The following STARD13 variants were observed in gnomAD, a reference collection of about 807,000 sequenced individuals.
STARD13 encodes the protein StAR related lipid transfer domain containing 13.
Under a neutral mutation model 106.4 loss-of-function variants are expected in STARD13, and 62 were observed. That is an observed-to-expected ratio of 0.58 (90% CI 0.48 to 0.72). The LOEUF is 0.72. Among genes scored for constraint, STARD13 ranks in the 30% least tolerant of loss-of-function variants. STARD13 has a pLI of 0.00. For synonymous variants in STARD13, 565 were observed against 553.0 expected (o/e 1.02, Z -0.31); for missense variants, 1,387 against 1,424.0 (o/e 0.97, Z 0.42).
chr13:33,259,156 G>A (rs538923583), intron 1 of STARD13, among the ~76,000 whole-genome samples: 1 of 152,310 alleles, frequency 6.6e-6, no homozygotes, highest in Admixed American at 6.5e-5. Flanking sequence ...CTCCTGGAGG[G>A]TGGGGCCCAC....
In STARD13 at chr13:33,218,555, C is replaced by A. The variant is rs531633978; in HGVS notation, c.170-50933G>T. On this transcript the variant is annotated intron_variant, in intron 1 of 13. Coordinates refer to ENST00000336934, the MANE Select transcript of STARD13 (RefSeq NM_178006.4). ...AATAGGGGTCTGGTACGACAATATT[C>A]AAATCTAGTTCTCACTCCAAAGCAT... is the stretch of plus-strand genomic sequence containing the variant. Among the ~76,000 whole-genome samples, 78 of 152,296 alleles carry A rather than the reference C, an allele frequency of 5.1e-4. 2 individuals carry two copies. The South Asian group carries it at 0.016, about 32-fold the overall frequency.
the STARD13 span, among the ~76,000 whole-genome samples, chr13:33,655,482 C>T: frequency 6.6e-6 from 1 of 152,248 alleles, no homozygotes; most frequent in African/African-American, 2.4e-5. Flanking sequence ...TTAATGCATA[C>T]TTAGTTTTAG....
At chr13:33,393,527 AG>A in the STARD13 span, among the ~76,000 whole-genome samples, 1 of 152,160 alleles carries the variant, frequency 6.6e-6, no homozygotes, top group Non-Finnish European at 1.5e-5. Context: ...CCTGCCTTTG[AG>A]GGCTGCTCAG....
intron 1 of STARD13, among the ~76,000 whole-genome samples, chr13:33,196,367 G>T (rs1207843584): frequency 2.0e-5 from 3 of 152,178 alleles, no homozygotes; most frequent in Non-Finnish European, 2.9e-5. Flanking sequence ...ACAATGAAGC[G>T]AGACTCTGTC....
the STARD13 span, among the ~76,000 whole-genome samples, chr13:33,376,589 C>A: frequency 6.6e-6 from 1 of 151,814 alleles, no homozygotes; most frequent in African/African-American, 2.4e-5. Flanking sequence ...CCACCACACT[C>A]TATCCTGACC....
At chr13:33,248,291 C>T (rs1889931222) in intron 1 of STARD13, among the ~76,000 whole-genome samples, 1 of 152,118 alleles carries the variant, frequency 6.6e-6, no homozygotes, top group East Asian at 1.9e-4. Context: ...GAGCTATAAT[C>T]CTGCCACTGC....
chr13:33,163,605 A>AAAAT (rs1555239808), intron 3 of STARD13, among the ~76,000 whole-genome samples: 1 of 97,630 alleles, frequency 1.0e-5, no homozygotes, highest in African/African-American at 4.3e-5. Flanking sequence ...AAAAAAAAAA[A>AAAAT]ATATATATAT....
intron 1 of STARD13, among the ~76,000 whole-genome samples, chr13:33,179,979 C>T (rs1017184408): frequency 2.6e-5 from 4 of 152,334 alleles, no homozygotes; most frequent in Middle Eastern, 3.4e-3. Flanking sequence ...TCTGTGCCTG[C>T]AGGAGGTCCT....
chr13:33,267,495 C>T (rs939541208), intron 1 of STARD13, among the ~76,000 whole-genome samples: 7 of 152,188 alleles, frequency 4.6e-5, no homozygotes, highest in African/African-American at 1.7e-4. Context: ...TCCTCAGAGC[C>T]TGTTTAAGGT....
At chr13:33,369,501 A>T in the STARD13 span, among the ~76,000 whole-genome samples, 1 of 152,210 alleles carries the variant, frequency 6.6e-6, no homozygotes, top group African/African-American at 2.4e-5. Context: ...ACGTTTTCTA[A>T]TGGATCCTTA....
chr13:33,119,567 G>C (rs1450804221), intron 7 of STARD13, among the ~76,000 whole-genome samples: 2 of 152,184 alleles, frequency 1.3e-5, no homozygotes, highest in Admixed American at 1.3e-4. Flanking sequence ...GTAACAGCAG[G>C]GGAAGGATTC....
chr13:33,110,944 G>A, intron 10 of STARD13, 37 bp from the exon 11 acceptor site: 1 of 1,571,836 alleles, frequency 6.4e-7, no homozygotes. Flanking sequence ...AACACACTGA[G>A]CCAAAGAAAC....
intron 1 of STARD13, among the ~76,000 whole-genome samples, chr13:33,261,607 T>A (rs531356819): frequency 6.6e-6 from 1 of 152,292 alleles, no homozygotes; most frequent in Non-Finnish European, 1.5e-5. Context: ...AGGTCAGCAT[T>A]TATATGCTGA....
At chr13:33,323,167 G>A (rs1360639679) in intron 1 of STARD13, among the ~76,000 whole-genome samples, 1 of 152,208 alleles carries the variant, frequency 6.6e-6, no homozygotes. Context: ...GTGCCTGCCA[G>A]CCTGGCTCCC....
the STARD13 span, among the ~76,000 whole-genome samples, chr13:33,672,862 T>C: frequency 3.9e-5 from 6 of 152,234 alleles, no homozygotes; most frequent in Non-Finnish European, 7.4e-5. Flanking sequence ...AACAAAACAA[T>C]ATAACTATAT....
At chr13:33,434,402 C>T in the STARD13 span, among the ~76,000 whole-genome samples, 9 of 139,578 alleles carry the variant, frequency 6.4e-5, no homozygotes, top group African/African-American at 1.3e-4. Flanking sequence ...TCAAACAGAA[C>T]GAGATTTAAG....
At chr13:33,637,765 A>G in the STARD13 span, among the ~76,000 whole-genome samples, 1 of 152,212 alleles carries the variant, frequency 6.6e-6, no homozygotes, top group South Asian at 2.1e-4. Context: ...ATTTTATCCT[A>G]TGGAAAGAAA....
the STARD13 span, among the ~76,000 whole-genome samples, chr13:33,499,519 TTTCTTCTTCTTCTTCTTC>T: frequency 3.4e-4 from 31 of 91,950 alleles, no homozygotes; most frequent in East Asian, 9.5e-4. Flanking sequence ...TTCTTCTTTC[TTTCTTCTTCTTCTTCTTC>T]TTCTTCTTCT....
the STARD13 span, among the ~76,000 whole-genome samples, chr13:33,468,277 T>TG: frequency 6.6e-6 from 1 of 152,254 alleles, no homozygotes; most frequent in African/African-American, 2.4e-5. Flanking sequence ...TACAGGCCCC[T>TG]GATGTGAAAC....
Sources: allele counts gnomAD v4.1 joint callset (sites outside exome capture counted in the v4.1 genomes callset), GRCh38; gene constraint gnomAD v4.1.1; transcripts MANE v1.5; gene names NCBI Gene and HGNC (gene_info 2026-07-23, HGNC 2026-07-21).